The following BICD1 variants were observed in gnomAD, a reference collection of about 807,000 sequenced individuals.
BICD1 encodes BICD cargo adaptor 1.
Under a neutral mutation model 92.5 loss-of-function variants are expected in BICD1, and 35 were observed. The ratio of observed to expected loss-of-function variants is 0.38; its 90% CI spans 0.29 to 0.50. The LOEUF (loss-of-function observed/expected upper bound fraction) is 0.50, where lower values mean the gene tolerates loss of function less well. BICD1 is among the 20% of genes least tolerant of loss of function. The pLI, the probability that BICD1 is intolerant of heterozygous loss-of-function variation, is 0.93. For missense variants in BICD1, 950 were observed against 1,189.8 expected (o/e 0.80, Z 2.97); for synonymous variants, 429 against 465.1 (o/e 0.92, Z 1.00).
At chr12:32,363,612 C>T (rs1939415207) in intron 8 of BICD1, among the ~76,000 whole-genome samples, 2 of 40,440 alleles carry the variant, frequency 4.9e-5, no homozygotes, top group Non-Finnish European at 1.1e-4. Flanking sequence ...CTAGATATCA[C>T]AACCTCCAGG....
At chr12:32,332,981 G>T in intron 5 of BICD1, 1 of 985,400 alleles carries the variant, frequency 1.0e-6, no homozygotes, top group Non-Finnish European at 1.2e-6. Context: ...ACTTTGCACA[G>T]TCAATGGACA....
chr12:32,330,418 C>T (rs1158902172), intron 5 of BICD1, among the ~76,000 whole-genome samples: 2 of 103,096 alleles, frequency 1.9e-5, no homozygotes, highest in Non-Finnish European at 3.7e-5. Flanking sequence ...ACACCGGGGC[C>T]TGTTGTGGGG....
chr12:32,152,872 T>A (rs1243766766), intron 1 of BICD1, among the ~76,000 whole-genome samples: 1 of 152,228 alleles, frequency 6.6e-6, no homozygotes, highest in Non-Finnish European at 1.5e-5. Context: ...GAGAAAAGGT[T>A]GTTCAGTTAC....
rs565538708 is a variant in BICD1 at position 32,237,836 on chromosome 12, G to A, written c.426+21377G>A. On this transcript the variant is annotated intron_variant, in intron 2 of 9. Coordinates refer to ENST00000652176, the MANE Select transcript of BICD1 (RefSeq NM_001714.4). Reference sequence around the variant, plus strand: ...GCTCTGAAAGTATAAGGAGATGACTGTTGTTTTCATACCTGCTAACACAAC... The same window carrying A: ...GCTCTGAAAGTATAAGGAGATGACTATTGTTTTCATACCTGCTAACACAAC... Among the ~76,000 whole-genome samples the A allele has an allele frequency of 2.6e-5, 4 of 152,084 alleles. No individual in the cohort carries two copies. In the East Asian group the frequency reaches 7.7e-4, roughly 29 times the overall value.
At chr12:32,254,548 A>C (rs1946666817) in intron 2 of BICD1, among the ~76,000 whole-genome samples, 2 of 152,264 alleles carry the variant, frequency 1.3e-5, no homozygotes. Flanking sequence ...CATAGGCAGC[A>C]CAAGCACATA....
intron 2 of BICD1, among the ~76,000 whole-genome samples, chr12:32,234,224 A>G (rs1945988925): frequency 6.6e-6 from 1 of 152,178 alleles, no homozygotes; most frequent in Non-Finnish European, 1.5e-5. Context: ...CCATATCACC[A>G]CTTGTTCAGG....
rs75065570 is a variant in BICD1 at position 32,241,267 on chromosome 12, C to T, written c.426+24808C>T. 6.4e-3 allele frequency among the ~76,000 whole-genome samples: 981 copies of T among 152,318 alleles called. 9 individuals are homozygous for T. Among genetic ancestry groups the T allele is most frequent in the African/African-American group, 0.023 (938 of 41,582 alleles). ...CCATTAAGCACCTACTCTGTGCAAACGCTTTGCAAACACTGCTGGGAATAG... is the reference window on the plus strand; with the variant it reads ...CCATTAAGCACCTACTCTGTGCAAATGCTTTGCAAACACTGCTGGGAATAG... On this transcript the variant is annotated intron_variant, in intron 2 of 9. Coordinates refer to ENST00000652176, the MANE Select transcript of BICD1 (RefSeq NM_001714.4).
intron 3 of BICD1, among the ~76,000 whole-genome samples, chr12:32,300,444 G>A (rs1291741204): frequency 6.6e-6 from 1 of 151,376 alleles, no homozygotes; most frequent in Non-Finnish European, 1.5e-5. Context: ...TAGGCCATCA[G>A]TTTAACAAAG....
intron 8 of BICD1, among the ~76,000 whole-genome samples, chr12:32,346,337 T>C (rs1938565070): frequency 6.7e-6 from 1 of 149,848 alleles, no homozygotes; most frequent in Non-Finnish European, 1.5e-5. Flanking sequence ...GGCATCATGG[T>C]GAAACCCTGT....
chr12:32,148,981 CTG>C, intron 1 of BICD1, among the ~76,000 whole-genome samples: 1 of 150,166 alleles, frequency 6.7e-6, no homozygotes, highest in East Asian at 2.0e-4. Context: ...GATCACGTCA[CTG>C]TACTCCACCC....
intron 5 of BICD1, among the ~76,000 whole-genome samples, 156 bp from the exon 6 acceptor site, chr12:32,334,360 C>G (rs1938012763): frequency 6.6e-6 from 1 of 152,086 alleles, no homozygotes; most frequent in Non-Finnish European, 1.5e-5. Context: ...GAAAAACTTC[C>G]CTGTGTCCAA....
intron 1 of BICD1, among the ~76,000 whole-genome samples, chr12:32,195,247 G>C (rs190915163): frequency 6.6e-6 from 1 of 152,164 alleles, no homozygotes. Context: ...ATTTTTCACA[G>C]ATATCAGAAA....
chr12:32,161,161 G>T (rs774874832), intron 1 of BICD1, among the ~76,000 whole-genome samples: 1 of 152,098 alleles, frequency 6.6e-6, no homozygotes, highest in African/African-American at 2.4e-5. Flanking sequence ...CCCCCAACAT[G>T]GTAAAAGATC....
intron 1 of BICD1, among the ~76,000 whole-genome samples, chr12:32,185,130 G>A (rs577219952): frequency 2.2e-4 from 34 of 152,284 alleles, no homozygotes; most frequent in Admixed American, 3.9e-4. Context: ...CACTGGTAGA[G>A]CCCCTTTCAC....
intron 2 of BICD1, among the ~76,000 whole-genome samples, chr12:32,286,730 T>G (rs1287739796): frequency 6.6e-6 from 1 of 152,182 alleles, no homozygotes; most frequent in Non-Finnish European, 1.5e-5. Flanking sequence ...TAATATATAT[T>G]TTTTGGGGGA....
In BICD1 at chr12:32,327,475, G is replaced by A; in HGVS notation, c.1020G>A (p.Lys340=). The A allele has an allele frequency of 6.2e-7, 1 of 1,600,970 alleles. No individual in the cohort carries two copies. The highest frequency in any genetic ancestry group is 8.5e-7 in the Non-Finnish European group (1 of 1,171,748). Residue 340 remains lysine, a synonymous_variant, in exon 5 of 10, where the codon AAG becomes AAA. Transcript: ENST00000652176. ...KQQLMQVERE[K]AILLANLQES... is the part of the protein sequence containing the mutation. ...TGCCATTGCAGGTAGAGCGGGAAAA[G>A]GCCATTCTTTTGGCCAACCTACAGG... is the stretch of plus-strand genomic sequence containing the variant.
At chr12:32,236,566 T>C (rs1487551664) in intron 2 of BICD1, among the ~76,000 whole-genome samples, 1 of 152,120 alleles carries the variant, frequency 6.6e-6, no homozygotes, top group African/African-American at 2.4e-5. Context: ...TACAATGGCT[T>C]CTACATGTTC....
intron 8 of BICD1, among the ~76,000 whole-genome samples, chr12:32,363,741 C>T (rs1156561834): frequency 6.6e-6 from 1 of 152,140 alleles, no homozygotes; most frequent in Admixed American, 6.5e-5. Context: ...TCCTGTAACA[C>T]CCTACACTTT....
chr12:32,315,465 A>G (rs1215465023), intron 4 of BICD1, among the ~76,000 whole-genome samples: 1 of 152,150 alleles, frequency 6.6e-6, no homozygotes, highest in Non-Finnish European at 1.5e-5. Flanking sequence ...TTGCCTTTCC[A>G]TATAAATTTT....
Sources: gnomAD v4.1 joint callset for allele counts (sites outside exome capture counted in the v4.1 genomes callset) on GRCh38, gnomAD v4.1.1 for gene constraint, MANE v1.5 for transcripts, NCBI Gene and HGNC (gene_info 2026-07-23, HGNC 2026-07-21) for gene names.